Variants in ZC3H12B observed in about 807,000 individuals in gnomAD.
ZC3H12B encodes zinc finger CCCH-type containing 12B.
ZC3H12B carries 7 observed loss-of-function variants against 43.9 expected under a neutral mutation model. The ratio of observed to expected loss-of-function variants is 0.16; its 90% CI spans 0.09 to 0.30. The LOEUF (loss-of-function observed/expected upper bound fraction) is 0.30, where lower values mean the gene tolerates loss of function less well. ZC3H12B is among the 10% of genes least tolerant of loss of function. ZC3H12B has a pLI of 1.00. For missense variants in ZC3H12B, 475 were observed against 670.2 expected (o/e 0.71, Z 3.22); for synonymous variants, 222 against 241.7 (o/e 0.92, Z 0.76).
At chrX:65,201,980 G>A in the ZC3H12B span, among the ~76,000 whole-genome samples, 1 of 99,120 alleles carries the variant, frequency 1.0e-5, no homozygotes, top group Non-Finnish European at 2.0e-5. Flanking sequence ...GTTTCCTGAG[G>A]CCTCCTTAGC....
At chrX:65,250,271 C>CT in the ZC3H12B span, among the ~76,000 whole-genome samples, 19 of 111,602 alleles carry the variant, frequency 1.7e-4, no homozygotes, top group African/African-American at 5.8e-4. Flanking sequence ...TGAACTCATC[C>CT]TTTTTTATGG....
intron 3 of ZC3H12B, among the ~76,000 whole-genome samples, chrX:65,404,923 G>A (rs1375634635): frequency 1.8e-5 from 2 of 112,092 alleles, no homozygotes; most frequent in African/African-American, 6.5e-5. Flanking sequence ...TCAGCACATG[G>A]ATTATTCTTT....
the ZC3H12B span, among the ~76,000 whole-genome samples, chrX:65,206,173 A>G: frequency 8.9e-6 from 1 of 111,942 alleles, no homozygotes; most frequent in African/African-American, 3.2e-5. Flanking sequence ...CCTAAAATTC[A>G]TGTGGAACCA....
the ZC3H12B span, among the ~76,000 whole-genome samples, chrX:65,212,221 T>C: frequency 5.2e-5 from 2 of 38,713 alleles, no homozygotes; most frequent in African/African-American, 2.0e-4. Flanking sequence ...ATATATTATA[T>C]ATTATATTAT....
chrX:65,150,132 C>T, the ZC3H12B span, among the ~76,000 whole-genome samples: 66 of 110,921 alleles, frequency 6.0e-4, no homozygotes, highest in African/African-American at 2.0e-3. Context: ...TGTCATATCT[C>T]TTTTCCCCTT....
chrX:65,331,486 T>C, the ZC3H12B span, among the ~76,000 whole-genome samples: 3 of 110,690 alleles, frequency 2.7e-5, no homozygotes, highest in Admixed American at 2.9e-4. Context: ...AGGCTAGAGG[T>C]AGACAGAATG....
the ZC3H12B span, among the ~76,000 whole-genome samples, chrX:65,130,703 C>T: frequency 8.9e-6 from 1 of 111,820 alleles, no homozygotes; most frequent in Non-Finnish European, 1.9e-5. Context: ...TAGAATGGGC[C>T]TGTGAGGCTG....
the ZC3H12B span, among the ~76,000 whole-genome samples, chrX:65,209,383 T>C: frequency 3.3e-4 from 26 of 77,673 alleles, no homozygotes; most frequent in Admixed American, 6.4e-4. Context: ...GTGGTGTCTT[T>C]GTTCTCGTTG....
chrX:65,094,461 G>A, the ZC3H12B span, among the ~76,000 whole-genome samples: 9 of 111,463 alleles, frequency 8.1e-5, no homozygotes, highest in African/African-American at 2.6e-4. Context: ...GGCTCTCAGA[G>A]TGTGGTCCAA....
chrX:65,200,971 T>A, the ZC3H12B span, among the ~76,000 whole-genome samples: 1 of 111,615 alleles, frequency 9.0e-6, no homozygotes, highest in South Asian at 3.8e-4. Flanking sequence ...TTTGCATCGA[T>A]GTTCATCAAG....
At chrX:65,322,836 A>T in the ZC3H12B span, among the ~76,000 whole-genome samples, 4 of 111,751 alleles carry the variant, frequency 3.6e-5, no homozygotes, top group Non-Finnish European at 5.6e-5. Flanking sequence ...AAGTTTTATG[A>T]ACATTTTAAT....
chrX:65,336,261 A>C, the ZC3H12B span, among the ~76,000 whole-genome samples: 1 of 112,364 alleles, frequency 8.9e-6, no homozygotes, highest in African/African-American at 3.2e-5. Flanking sequence ...AGAAATTCAT[A>C]CCCTTTTGCT....
chrX:65,066,591 G>T, the ZC3H12B span, among the ~76,000 whole-genome samples: 1 of 111,890 alleles, frequency 8.9e-6, no homozygotes, highest in South Asian at 3.8e-4. Context: ...CTGCTGGGAG[G>T]TATCTCCTAG....
the ZC3H12B span, among the ~76,000 whole-genome samples, chrX:65,156,920 CAT>C: frequency 1.8e-5 from 2 of 111,739 alleles, no homozygotes; most frequent in African/African-American, 3.3e-5. Flanking sequence ...TATTCTTTGA[CAT>C]ATATTTATTT....
chrX:65,374,770 A>G (rs944859847), intron 2 of ZC3H12B, among the ~76,000 whole-genome samples: 1 of 111,124 alleles, frequency 9.0e-6, no homozygotes, highest in Non-Finnish European at 1.9e-5. Context: ...ATCACGGTGG[A>G]ACGGGAAGCA....
At chrX:65,314,748 TGTAGA>T in the ZC3H12B span, among the ~76,000 whole-genome samples, 2 of 111,040 alleles carry the variant, frequency 1.8e-5, no homozygotes, top group Non-Finnish European at 3.8e-5. Context: ...GGGAAAACCT[TGTAGA>T]GTAATTTCCT....
intron 4 of ZC3H12B, among the ~76,000 whole-genome samples, chrX:65,500,514 G>A (rs1000368743): frequency 4.5e-5 from 5 of 111,573 alleles, no homozygotes; most frequent in African/African-American, 1.3e-4. Flanking sequence ...TGCAACCTCC[G>A]CTTCCCGGGT....
the ZC3H12B span, among the ~76,000 whole-genome samples, chrX:65,058,956 T>A: frequency 1.8e-5 from 2 of 112,102 alleles, no homozygotes; most frequent in Non-Finnish European, 3.8e-5. Context: ...GTGACCCGAT[T>A]TTCCAGGTGC....
At chrX:65,448,955 A>AAAAGAAAGAAAGAAAGAAAAAG (rs1556209272) in intron 3 of ZC3H12B, among the ~76,000 whole-genome samples, 41 of 58,972 alleles carry the variant, frequency 7.0e-4, no homozygotes, top group East Asian at 9.1e-4. Context: ...GAAAGAAAGA[A>AAAAGAAAGAAAGAAAGAAAAAG]AAAGAAAGAA....
Sources: gnomAD v4.1 joint callset for allele counts (sites outside exome capture counted in the v4.1 genomes callset) on GRCh38, gnomAD v4.1.1 for gene constraint, MANE v1.5 for transcripts, NCBI Gene and HGNC (gene_info 2026-07-23, HGNC 2026-07-21) for gene names.